PPP1R13L: variants seen among roughly 807,000 people sequenced by gnomAD.
PPP1R13L encodes protein phosphatase 1 regulatory subunit 13 like.
PPP1R13L carries 50 observed loss-of-function variants against 80.9 expected under a neutral mutation model. The observed-to-expected ratio is 0.62, with a 90% CI of 0.49 to 0.78. The LOEUF is 0.78. Among genes scored for constraint, PPP1R13L ranks in the 30% least tolerant of loss-of-function variants. PPP1R13L has a pLI of 0.00. For missense variants in PPP1R13L, 1,200 were observed against 1,205.9 expected (o/e 1.00, Z 0.07); for synonymous variants, 602 against 534.3 (o/e 1.13, Z -1.75).
At chr19:45,401,169 C>A (rs531321173) in intron 1 of PPP1R13L, among the ~76,000 whole-genome samples, 1 of 151,180 alleles carries the variant, frequency 6.6e-6, no homozygotes, top group African/African-American at 2.4e-5. Context: ...CTGGCTAACA[C>A]GGTGAAACCC....
chr19:45,383,848 G>A (rs1409967225), intron 11 of PPP1R13L, among the ~76,000 whole-genome samples: 1 of 151,734 alleles, frequency 6.6e-6, no homozygotes, highest in African/African-American at 2.4e-5. Context: ...TGCAACCTCC[G>A]CCTCCTGGGT....
At chr19:45,390,967 G>A (rs1487701826) in intron 8 of PPP1R13L, among the ~76,000 whole-genome samples, 1 of 152,118 alleles carries the variant, frequency 6.6e-6, no homozygotes, top group African/African-American at 2.4e-5. Flanking sequence ...GGAGGCTGAG[G>A]CAGGTGGATC....
At chr19:45,382,490 T>C (rs752436875) in intron 12 of PPP1R13L, 37 bp downstream of exon 12, 45 of 1,591,742 alleles carry the variant, frequency 2.8e-5, no homozygotes, top group Non-Finnish European at 3.4e-5. Flanking sequence ...AACCCCCAAC[T>C]GTCGGGAGGT....
intron 1 of PPP1R13L, among the ~76,000 whole-genome samples, chr19:45,401,561 C>T (rs190316051): frequency 2.0e-5 from 3 of 152,098 alleles, no homozygotes; most frequent in Non-Finnish European, 4.4e-5. Context: ...ACTGTAAGGA[C>T]CTTAGGACTG....
At chr19:45,398,585 C>CTTTTTTTTTTTTTTTTTT (rs113649282) in intron 1 of PPP1R13L, among the ~76,000 whole-genome samples, 9 of 136,526 alleles carry the variant, frequency 6.6e-5, no homozygotes, top group South Asian at 2.3e-4. Flanking sequence ...TTTTTCTTTT[C>CTTTTTTTTTTTTTTTTTT]TTTTTTTTTT....
At position 45,392,104 on chromosome 19, in the gene PPP1R13L, G is replaced by A. The variant is rs1412751778; in HGVS notation, c.1591C>T (p.Pro531Ser). The A allele has an allele frequency of 2.6e-6, 4 of 1,547,852 alleles. No homozygotes were observed. The highest frequency in any genetic ancestry group is 2.3e-5 in the East Asian group (1 of 44,262). The change falls in exon 8 of 13, where the codon CCT (proline) becomes TCT (serine). Residue 531 changes from proline to serine, a missense_variant. Transcript: ENST00000360957. ...TGGGTAGGGGGCAGGGCCACAGCAG[G>A]GGCCTGCTCCATGGAGCCCCTGCGT... The part of the protein sequence containing the change: ...LKRRGSMEQA[P>S]AVALPPTHKK...
At position 45,380,112 on chromosome 19, in the gene PPP1R13L, C is replaced by CA. The variant is rs1972733903; in HGVS notation, c.*77dup. On this transcript the variant is annotated 3_prime_UTR_variant, in exon 13 of 13. Coordinates refer to ENST00000360957, the MANE Select transcript of PPP1R13L (RefSeq NM_006663.4). ...GGGTGAGGGGTGCAGATAAAGGCAG[C>CA]AAAAAACAGAGGGAGAGGTCTGGAG... The CA allele has an allele frequency of 3.2e-6, 5 of 1,541,202 alleles. No individual in the cohort carries two copies. The South Asian group carries it at 5.6e-5, about 17-fold the overall frequency.
rs2123392913 is a variant in PPP1R13L at position 45,398,153 on chromosome 19, A to G, written c.56-6T>C. On this transcript the variant is annotated splice_region_variant and splice_polypyrimidine_tract_variant and intron_variant, in intron 2 of 12. Coordinates refer to ENST00000360957, the MANE Select transcript of PPP1R13L (RefSeq NM_006663.4). ...CATGTGTTTCATGGCCAGCGCTGGG[A>G]AGGTGGGAGTGGAGGTAAGGACCTG... 1 of 1,613,564 alleles carries G rather than the reference A, an allele frequency of 6.2e-7. No individual in the cohort carries two copies. Among genetic ancestry groups the G allele is most frequent in the Non-Finnish European group, 8.5e-7 (1 of 1,179,648 alleles).
At chr19:45,390,033 C>T (rs1415905830) in intron 8 of PPP1R13L, among the ~76,000 whole-genome samples, 9 of 151,890 alleles carry the variant, frequency 5.9e-5, no homozygotes, top group Admixed American at 2.0e-4. Context: ...CTTCGTGATC[C>T]GCCCGCCTCG....
intron 8 of PPP1R13L, among the ~76,000 whole-genome samples, chr19:45,389,174 T>A (rs34262471): frequency 0.011 from 1,686 of 152,368 alleles, 30 homozygotes; most frequent in African/African-American, 0.038. Flanking sequence ...GCCAGGACTC[T>A]GTGATTCTAC....
intron 8 of PPP1R13L, among the ~76,000 whole-genome samples, chr19:45,388,689 A>T (rs779562862): frequency 1.8e-4 from 28 of 152,182 alleles, no homozygotes; most frequent in Non-Finnish European, 3.1e-4. Flanking sequence ...AGTAATAATC[A>T]GTCTATGATA....
intron 1 of PPP1R13L, chr19:45,401,926 C>T (rs1973241382): frequency 6.6e-6 from 1 of 152,038 alleles, no homozygotes; most frequent in Non-Finnish European, 1.5e-5. Context: ...ACAATGAGAC[C>T]CCATTTCTTA....
rs749757010 is a variant in PPP1R13L at position 45,380,245 on chromosome 19, T to C, written c.2449-17A>G. On this transcript the variant is annotated splice_polypyrimidine_tract_variant and intron_variant, in intron 12 of 12. Transcript: ENST00000360957. ...GGGGAACAGCTGGGGAGAGACAGGATCTTCAGACATCAGGAGCTCCCACCT... is the reference window on the plus strand; with the variant it reads ...GGGGAACAGCTGGGGAGAGACAGGACCTTCAGACATCAGGAGCTCCCACCT... 4 of 1,613,858 alleles carry C rather than the reference T, an allele frequency of 2.5e-6. No individual in the cohort carries two copies. The highest frequency in any genetic ancestry group is 3.3e-5 in the Admixed American group (2 of 59,990).
chr19:45,391,313 G>A lies in PPP1R13L; in HGVS notation c.1815+567C>T, dbSNP rs377156710. On this transcript the variant is annotated intron_variant, in intron 8 of 12. Transcript: ENST00000360957. ...AGGCAAGACTTCTCAGTCCCAGAAT[G>A]AACCCACTGTTGTGCCAAGACTCAG... Among the ~76,000 whole-genome samples, 273 of 152,228 alleles carry A rather than the reference G, an allele frequency of 1.8e-3. 1 individual carries two copies. The highest frequency in any genetic ancestry group is 6.0e-3 in the African/African-American group (250 of 41,540).
At chr19:45,404,171 C>T (rs1973282499) in intron 1 of PPP1R13L, among the ~76,000 whole-genome samples, 2 of 152,166 alleles carry the variant, frequency 1.3e-5, no homozygotes, top group Admixed American at 1.3e-4. Flanking sequence ...TTACCCCTTC[C>T]TCTCCGTGTA....
intron 3 of PPP1R13L, 55 bp downstream of exon 3, chr19:45,397,947 CTGG>C (rs1973145856): frequency 6.5e-7 from 1 of 1,541,158 alleles, no homozygotes; most frequent in Non-Finnish European, 8.8e-7. Context: ...ATCCAGGCCT[CTGG>C]TCTGGACTGT....
rs1236607949 is a variant in PPP1R13L at position 45,385,578 on chromosome 19, G to T, written c.2232C>A (p.Cys744Ter). The change falls in exon 11 of 13, where the codon TGC (cysteine) becomes TGA (stop). Residue 744 changes from cysteine (C) to a stop codon, truncating the protein, a stop_gained. Coordinates refer to ENST00000360957, the MANE Select transcript of PPP1R13L (RefSeq NM_006663.4). LOFTEE classifies it high-confidence loss of function. The part of the protein sequence containing the change: ...CDPYREGYAD[C>*]ATYLADVEQS... ...GCCTCGCACCTGCCAGGTAGGTGGC[G>T]CAGTCAGCATAACCCTCGCGGTAAG... 2 of 1,611,916 alleles carry T rather than the reference G, an allele frequency of 1.2e-6. No homozygotes were observed. The highest frequency in any genetic ancestry group is 1.3e-5 in the African/African-American group (1 of 74,932).
chr19:45,388,782 G>A (rs1172626412), intron 8 of PPP1R13L, among the ~76,000 whole-genome samples: 1 of 151,690 alleles, frequency 6.6e-6, no homozygotes, highest in East Asian at 1.9e-4. Flanking sequence ...CTGTTGCCCA[G>A]GCTGGAGTGC....
rs1345179969 is a variant in PPP1R13L, at chr19:45,385,437, C to T, written c.2248+125G>A. On this transcript the variant is annotated intron_variant, in intron 11 of 12. Transcript: ENST00000360957. ...GCGGTCCATCCCTCATCCTCCTCCTCGGCAATCCTGCCAAGTGGTTGGTAC... is the reference window on the plus strand; with the variant it reads ...GCGGTCCATCCCTCATCCTCCTCCTTGGCAATCCTGCCAAGTGGTTGGTAC... 5.0e-6 allele frequency: 6 copies of T among 1,191,464 alleles called. No individual in the cohort carries two copies. The African/African-American group carries it at 6.2e-5, about 12-fold the overall frequency. The allele number at this position is 1,191,464 out of a possible 1,614,324, so 73.8% of individuals were successfully genotyped here. A position where few individuals can be genotyped will look rare whatever the true frequency, so the allele number is the denominator to read the frequency against.
Sources: allele counts gnomAD v4.1 joint callset (sites outside exome capture counted in the v4.1 genomes callset), GRCh38; gene constraint gnomAD v4.1.1; transcripts MANE v1.5; gene names NCBI Gene and HGNC (gene_info 2026-07-23, HGNC 2026-07-21).